Variants in CPQ observed in about 807,000 individuals in gnomAD.
The protein encoded by CPQ is carboxypeptidase Q, also known as Ser-Met dipeptidase.
A neutral mutation model predicts 45.7 loss-of-function variants in CPQ; 37 were observed. The ratio of observed to expected loss-of-function variants is 0.81; its 90% CI spans 0.62 to 1.07. CPQ has a LOEUF of 1.07. Among genes scored for constraint, CPQ ranks in the 50% least tolerant of loss-of-function variants. The pLI is 0.00. For missense variants in CPQ, 537 were observed against 572.9 expected (o/e 0.94, Z 0.64); for synonymous variants, 186 against 205.8 (o/e 0.90, Z 0.82).
At chr8:96,670,834 T>G (rs1808991882) in intron 1 of CPQ, among the ~76,000 whole-genome samples, 1 of 136,508 alleles carries the variant, frequency 7.3e-6, no homozygotes, top group African/African-American at 2.8e-5. Context: ...ATTATAGAAA[T>G]GAACAACAAA....
intron 7 of CPQ, among the ~76,000 whole-genome samples, chr8:97,091,718 T>C (rs1254149410): frequency 6.6e-6 from 1 of 152,112 alleles, no homozygotes; most frequent in Non-Finnish European, 1.5e-5. Flanking sequence ...CATTTAGGGA[T>C]TTAGGAAAAG....
chr8:96,977,037 GA>G (rs1329723912), intron 5 of CPQ, among the ~76,000 whole-genome samples: 1 of 152,062 alleles, frequency 6.6e-6, no homozygotes, highest in Non-Finnish European at 1.5e-5. Context: ...CACAACAAAA[GA>G]AATCATCAGC....
intron 1 of CPQ, among the ~76,000 whole-genome samples, chr8:96,681,056 G>A (rs573160906): frequency 9.2e-5 from 14 of 152,160 alleles, no homozygotes; most frequent in Non-Finnish European, 1.9e-4. Context: ...TTTTAAAAGG[G>A]AAACAGAGCA....
chr8:96,759,564 C>A (rs564187106), intron 1 of CPQ, among the ~76,000 whole-genome samples: 1 of 152,132 alleles, frequency 6.6e-6, no homozygotes, highest in Non-Finnish European at 1.5e-5. Flanking sequence ...TCTAAAATTT[C>A]TATGCTGTAT....
chr8:96,754,964 C>T (rs1368137291), intron 1 of CPQ, among the ~76,000 whole-genome samples: 1 of 151,898 alleles, frequency 6.6e-6, no homozygotes, highest in Non-Finnish European at 1.5e-5. Context: ...CTACTTATCT[C>T]TTCCATCTAT....
chr8:96,653,583 A>G (rs1037736022), intron 1 of CPQ, among the ~76,000 whole-genome samples: 4 of 152,272 alleles, frequency 2.6e-5, no homozygotes, highest in Non-Finnish European at 5.9e-5. Context: ...CCTTACCAGT[A>G]ACATAAATAG....
chr8:97,004,079 T>C (rs555912161), intron 5 of CPQ, among the ~76,000 whole-genome samples: 1 of 152,242 alleles, frequency 6.6e-6, no homozygotes, highest in South Asian at 2.1e-4. Context: ...TCCTTTGAAA[T>C]GTTAGCGGGA....
intron 4 of CPQ, among the ~76,000 whole-genome samples, chr8:96,950,196 G>T: frequency 6.6e-6 from 1 of 152,198 alleles, no homozygotes; most frequent in South Asian, 2.1e-4. Context: ...ACATTACACA[G>T]TAGTCGAGAA....
Position 96,834,956 on chromosome 8 carries a change from A to T in CPQ, c.434-17A>T. On this transcript the variant is annotated splice_polypyrimidine_tract_variant and intron_variant, in intron 2 of 7. Coordinates refer to ENST00000220763, the MANE Select transcript of CPQ (RefSeq NM_016134.4). Reference sequence around the variant, plus strand: ...ATGGGAAACTGTAAGTTAATCTTGCATGACTTTTATTTCTAGGCATTACAG... The same window carrying T: ...ATGGGAAACTGTAAGTTAATCTTGCTTGACTTTTATTTCTAGGCATTACAG... 2.5e-6 allele frequency: 4 copies of T among 1,608,710 alleles called. No homozygotes were observed. The highest frequency in any genetic ancestry group is 3.4e-6 in the Non-Finnish European group (4 of 1,176,916).
intron 7 of CPQ, among the ~76,000 whole-genome samples, chr8:97,098,786 G>A (rs999336786): frequency 6.6e-6 from 1 of 151,908 alleles, no homozygotes; most frequent in African/African-American, 2.4e-5. Flanking sequence ...CCTTCACAGG[G>A]GAATTTATTC....
At chr8:96,849,142 C>T (rs1811738738) in intron 3 of CPQ, among the ~76,000 whole-genome samples, 1 of 152,156 alleles carries the variant, frequency 6.6e-6, no homozygotes, top group South Asian at 2.1e-4. Context: ...TTGAGCTCTA[C>T]AATCACAGGA....
At chr8:96,893,218 G>A (rs73279822) in intron 4 of CPQ, among the ~76,000 whole-genome samples, 4,478 of 152,218 alleles carry the variant, frequency 0.029, 162 homozygotes, top group Middle Eastern at 0.092. Flanking sequence ...ATTCTAGTTT[G>A]TGAAGTGCTG....
In CPQ at chr8:96,685,801, T is replaced by C. The variant is rs113171051; in HGVS notation, c.-35+40399T>C. Among the ~76,000 whole-genome samples, 973 of 152,286 alleles carry C rather than the reference T, an allele frequency of 6.4e-3. 5 individuals carry two copies. Among genetic ancestry groups the C allele is most frequent in the African/African-American group, 0.018 (753 of 41,582 alleles). On this transcript the variant is annotated intron_variant, in intron 1 of 7. Transcript: ENST00000220763. ...AATATGTGTGAACATATTAAATTTA[T>C]AGAATAAGTCAGGTAGAACTGACAT... is the stretch of plus-strand genomic sequence containing the variant.
chr8:97,085,090 T>C (rs1354556876), intron 7 of CPQ, among the ~76,000 whole-genome samples: 1 of 152,094 alleles, frequency 6.6e-6, no homozygotes, highest in African/African-American at 2.4e-5. Flanking sequence ...ATGTAATTAT[T>C]ACAATAAAAG....
At chr8:96,954,543 C>G (rs1813321703) in intron 4 of CPQ, among the ~76,000 whole-genome samples, 1 of 151,910 alleles carries the variant, frequency 6.6e-6, no homozygotes, top group Non-Finnish European at 1.5e-5. Flanking sequence ...ACTATTCATT[C>G]TCCTTTGTGG....
intron 5 of CPQ, among the ~76,000 whole-genome samples, chr8:96,980,647 T>C (rs1201205983): frequency 6.6e-6 from 1 of 152,196 alleles, no homozygotes; most frequent in Admixed American, 6.5e-5. Flanking sequence ...CTCTCAGCTC[T>C]CGAGTCTTCA....
chr8:96,722,573 T>C (rs1197751736), intron 1 of CPQ, among the ~76,000 whole-genome samples: 1 of 152,216 alleles, frequency 6.6e-6, no homozygotes, highest in Non-Finnish European at 1.5e-5. Flanking sequence ...AAGTTTCCTA[T>C]GCATCCTCAA....
intron 7 of CPQ, among the ~76,000 whole-genome samples, chr8:97,112,783 T>C (rs1282963468): frequency 1.3e-5 from 2 of 152,156 alleles, no homozygotes. Context: ...GGAGGGGCAG[T>C]GCTGATGGCG....
intron 3 of CPQ, among the ~76,000 whole-genome samples, chr8:96,862,899 A>G (rs1422513542): frequency 6.6e-6 from 1 of 152,016 alleles, no homozygotes; most frequent in Non-Finnish European, 1.5e-5. Flanking sequence ...ATTACCTGCC[A>G]TCTTGGTCTA....
Sources: allele counts gnomAD v4.1 joint callset (sites outside exome capture counted in the v4.1 genomes callset), GRCh38; gene constraint gnomAD v4.1.1; transcripts MANE v1.5; gene names NCBI Gene and HGNC (gene_info 2026-07-23, HGNC 2026-07-21).